Variants in UNK observed in about 807,000 individuals in gnomAD.
UNK encodes unk zinc finger, also known as RING finger protein unkempt homolog.
UNK carries 32 observed loss-of-function variants against 97.6 expected under a neutral mutation model. The observed-to-expected ratio is 0.33, with a 90% CI of 0.25 to 0.44. UNK has a LOEUF of 0.44. UNK is among the 20% of genes least tolerant of loss of function. The pLI is 1.00. For synonymous variants in UNK, 441 were observed against 461.2 expected, an observed-to-expected ratio of 0.96 and a Z score of 0.56; for missense variants, 771 against 1,098.4, an observed-to-expected ratio of 0.70 and a Z score of 4.21.
rs2061952008 is a variant in UNK at position 75,809,824 on chromosome 17, C to A, written c.169C>A (p.Arg57=). Residue 57 remains arginine, a synonymous_variant, in exon 2 of 16, where the codon CGG becomes AGG. Coordinates refer to ENST00000589666, the MANE Select transcript of UNK (RefSeq NM_001080419.3). ...TGTGCAACACAAATGCACGCAGCAT[C>A]GGCCCTACACCTGCTTCCACTGGCA... ...LFVQHKCTQH[R]PYTCFHWHFV... The A allele has an allele frequency of 6.2e-7, 1 of 1,613,590 alleles. No individual in the cohort carries two copies.
At chr17:75,798,291 C>T (rs542074908) in intron 1 of UNK, among the ~76,000 whole-genome samples, 538 of 151,986 alleles carry the variant, frequency 3.5e-3, no homozygotes, top group Middle Eastern at 6.8e-3. Flanking sequence ...AGGCTGGTCT[C>T]GAACTGACCT....
intron 1 of UNK, among the ~76,000 whole-genome samples, chr17:75,803,991 G>A (rs879038311): frequency 6.6e-6 from 1 of 152,228 alleles, no homozygotes; most frequent in South Asian, 2.1e-4. Context: ...GTTGATGACA[G>A]CAAATGTTTA....
chr17:75,806,512 G>T (rs1470824724), intron 1 of UNK, among the ~76,000 whole-genome samples: 1 of 151,526 alleles, frequency 6.6e-6, no homozygotes, highest in Non-Finnish European at 1.5e-5. Context: ...GGTGGCTCAC[G>T]CCTGTAATCC....
intron 2 of UNK, among the ~76,000 whole-genome samples, chr17:75,810,623 AG>A (rs2061960031): frequency 6.6e-6 from 1 of 152,098 alleles, no homozygotes; most frequent in South Asian, 2.1e-4. Context: ...TCTTTCCCCC[AG>A]GCTGGAGTGC....
At chr17:75,798,309 T>TC (rs1241171939) in intron 1 of UNK, among the ~76,000 whole-genome samples, 4 of 151,942 alleles carry the variant, frequency 2.6e-5, no homozygotes, top group Non-Finnish European at 5.9e-5. Context: ...CCTCAGGTGA[T>TC]CCCCCCACCT....
chr17:75,796,887 A>G (rs561619156), intron 1 of UNK, among the ~76,000 whole-genome samples: 36 of 152,314 alleles, frequency 2.4e-4, no homozygotes, highest in African/African-American at 5.8e-4. Context: ...AGGGTAAAAC[A>G]TACTTTATTC....
chr17:75,819,523 T>G lies in UNK; in HGVS notation c.1547-161T>G. On this transcript the variant is annotated intron_variant, in intron 11 of 15. Coordinates refer to ENST00000589666, the MANE Select transcript of UNK (RefSeq NM_001080419.3). This position sits in a 1 kb window ranked among gnomAD's most constrained non-coding sequence, Gnocchi z 5.4. ...GGCAGACGGTGTCAGAAGTCAGGAG[T>G]CAGGATTGGCATAGGAAGCAGCTGA... The G allele has an allele frequency of 1.6e-6, 1 of 634,694 alleles. No homozygotes were observed. Among genetic ancestry groups the G allele is most frequent in the African/African-American group, 1.8e-5 (1 of 54,640 alleles). The allele number at this position is 634,694 out of a possible 1,614,324, so 39.3% of individuals were successfully genotyped here. A position where few individuals can be genotyped will look rare whatever the true frequency, so the allele number is the denominator to read the frequency against.
At chr17:75,805,758 G>A (rs528125339) in intron 1 of UNK, among the ~76,000 whole-genome samples, 2 of 150,996 alleles carry the variant, frequency 1.3e-5, no homozygotes, top group African/African-American at 2.4e-5. Context: ...TGCTTGAGCC[G>A]CTGCACTCCA....
At chr17:75,821,595 A>G (rs148347049) in intron 13 of UNK, 178 of 456,614 alleles carry the variant, frequency 3.9e-4, no homozygotes, top group Non-Finnish European at 4.9e-4. Context: ...CTGTGGGTGC[A>G]CTTGTGTGTC....
intron 1 of UNK, chr17:75,785,924 G>A (rs899636203): frequency 6.6e-6 from 1 of 152,018 alleles, no homozygotes; most frequent in Non-Finnish European, 1.5e-5. Context: ...AGCTGCGAGA[G>A]GTTTTGGAAC....
chr17:75,787,156 T>G (rs1241525134), intron 1 of UNK, among the ~76,000 whole-genome samples: 1 of 152,196 alleles, frequency 6.6e-6, no homozygotes, highest in Non-Finnish European at 1.5e-5. Context: ...CTCCTAGGGC[T>G]GAGGTGCAGG....
chr17:75,821,483 G>T, intron 13 of UNK: 1 of 439,244 alleles, frequency 2.3e-6, no homozygotes, highest in South Asian at 1.6e-5. Context: ...TGCAGGGCTG[G>T]TCTCATGTGG....
chr17:75,799,011 A>G (rs1364401699), intron 1 of UNK, among the ~76,000 whole-genome samples: 1 of 151,528 alleles, frequency 6.6e-6, no homozygotes, highest in Non-Finnish European at 1.5e-5. Flanking sequence ...GCTTGCAGTG[A>G]GCCGAGATCG....
At chr17:75,790,928 A>T (rs2061758627) in intron 1 of UNK, among the ~76,000 whole-genome samples, 2 of 152,178 alleles carry the variant, frequency 1.3e-5, no homozygotes, top group South Asian at 4.1e-4. Flanking sequence ...CAACAGAGCG[A>T]GACTCTGGCT....
chr17:75,819,136 G>A lies in UNK; in HGVS notation c.1546+320G>A, dbSNP rs115014084. 981 of 296,554 alleles carry A rather than the reference G, an allele frequency of 3.3e-3. 6 individuals carry two copies. The highest frequency in any genetic ancestry group is 0.019 in the African/African-American group (866 of 45,890). 18.4% of individuals were successfully genotyped at this position (296,554 alleles called of 1,614,324 possible). A position where few individuals can be genotyped will look rare whatever the true frequency, so the allele number is the denominator to read the frequency against. The stretch of plus-strand genomic sequence containing the variant: ...TCCTTGTGTAGTGAATGGCCAGCAC[G>A]ACGTTCTCAGAATCCCTGGTGCTAG... On this transcript the variant is annotated intron_variant, in intron 11 of 15. Coordinates refer to ENST00000589666, the MANE Select transcript of UNK (RefSeq NM_001080419.3). This position sits in a 1 kb window ranked among gnomAD's most constrained non-coding sequence, Gnocchi z 5.4.
chr17:75,815,885 TAAA>T (rs35955807), intron 7 of UNK, among the ~76,000 whole-genome samples: 56 of 119,124 alleles, frequency 4.7e-4, no homozygotes, highest in Middle Eastern at 4.1e-3. Flanking sequence ...GACTCTGTCT[TAAA>T]AAAAAAAAAA....
chr17:75,801,025 T>C (rs911321732), intron 1 of UNK, among the ~76,000 whole-genome samples: 1 of 151,794 alleles, frequency 6.6e-6, no homozygotes, highest in African/African-American at 2.4e-5. Context: ...TGCCTCAGCC[T>C]CCTGAGTAGC....
In UNK at chr17:75,816,625, C is replaced by A; in HGVS notation, c.962-145C>A. On this transcript the variant is annotated intron_variant, in intron 7 of 15. Coordinates refer to ENST00000589666, the MANE Select transcript of UNK (RefSeq NM_001080419.3). The surrounding 1 kb of genome is among the most constrained non-coding windows in gnomAD (Gnocchi z 4.0). ...CAGTGCCTGGCACACAGTAAATGCA[C>A]AGACATGGTGTTACTAGAGATGTCG... 1 of 1,042,164 alleles carries A rather than the reference C, an allele frequency of 9.6e-7. No homozygotes were observed. The highest frequency in any genetic ancestry group is 1.3e-6 in the Non-Finnish European group (1 of 753,832). 64.6% of individuals were successfully genotyped at this position (1,042,164 alleles called of 1,614,324 possible).
At chr17:75,813,458 A>T (rs1429777350) in intron 5 of UNK, among the ~76,000 whole-genome samples, 1 of 152,192 alleles carries the variant, frequency 6.6e-6, no homozygotes, top group Non-Finnish European at 1.5e-5. Flanking sequence ...CCTGATCCTG[A>T]GGGGAATGTG....
Sources: gnomAD v4.1 joint callset for allele counts (sites outside exome capture counted in the v4.1 genomes callset) on GRCh38, gnomAD v4.1.1 for gene constraint, Gnocchi (gnomAD v3.1) non-coding constraint, MANE v1.5 for transcripts, NCBI Gene and HGNC (gene_info 2026-07-23, HGNC 2026-07-21) for gene names.